The following KDM5B variants were observed in gnomAD, a reference collection of about 807,000 sequenced individuals.
The protein encoded by KDM5B is lysine demethylase 5B.
In KDM5B, 144 loss-of-function variants were observed where a neutral mutation model predicts 193.4. That is an observed-to-expected ratio of 0.74 (90% CI 0.65 to 0.86). The LOEUF (loss-of-function observed/expected upper bound fraction) is 0.86, where lower values mean the gene tolerates loss of function less well. Among genes scored for constraint, KDM5B ranks in the 40% least tolerant of loss-of-function variants. KDM5B has a pLI of 0.00. For synonymous variants in KDM5B, 668 were observed against 682.6 expected, an observed-to-expected ratio of 0.98 and a Z score of 0.33; for missense variants, 1,833 against 1,886.9, an observed-to-expected ratio of 0.97 and a Z score of 0.53.
intron 9 of KDM5B, among the ~76,000 whole-genome samples, chr1:202,757,627 C>A (rs961768803): frequency 6.6e-6 from 1 of 152,068 alleles, no homozygotes; most frequent in African/African-American, 2.4e-5. Flanking sequence ...AATTTAAGTC[C>A]ATTAAATAAG....
rs1654959385 is a variant in KDM5B at position 202,733,270 on chromosome 1, C to CTT, written c.3909+130_3909+131insAA. ...TGCATGGTCTTGAAGTGGGAAGCTACAGGTAAAGTGGGTGCTGTTAACAGT... is the reference window on the plus strand; with the variant it reads ...TGCATGGTCTTGAAGTGGGAAGCTACTTAGGTAAAGTGGGTGCTGTTAACAGT... On this transcript the variant is annotated intron_variant, in intron 23 of 26. Coordinates refer to ENST00000367265, the MANE Select transcript of KDM5B (RefSeq NM_006618.5). The CTT allele has an allele frequency of 4.3e-6, 4 of 925,942 alleles. No individual in the cohort carries two copies. In the South Asian group the frequency reaches 6.9e-5, roughly 16 times the overall value. The allele number at this position is 925,942 out of a possible 1,614,324, so 57.4% of individuals were successfully genotyped here.
chr1:202,743,598 G>C (rs1210109613), intron 16 of KDM5B, among the ~76,000 whole-genome samples: 5 of 152,098 alleles, frequency 3.3e-5, no homozygotes, highest in Non-Finnish European at 5.9e-5. Flanking sequence ...AGAAATGGAA[G>C]CAAGTGAAAA....
chr1:202,792,475 C>T (rs1391864782), intron 1 of KDM5B, among the ~76,000 whole-genome samples: 8 of 152,214 alleles, frequency 5.3e-5, no homozygotes, highest in African/African-American at 1.7e-4. Flanking sequence ...AAATACTCTT[C>T]CAATGTGAAG....
At chr1:202,801,551 C>T (rs745913557) in intron 1 of KDM5B, among the ~76,000 whole-genome samples, 3 of 152,150 alleles carry the variant, frequency 2.0e-5, no homozygotes, top group Non-Finnish European at 2.9e-5. Context: ...TCAAAGAATT[C>T]ATCTAATAAT....
Position 202,741,515 on chromosome 1 carries a change from G to A in KDM5B, c.2797C>T (p.Leu933Phe), listed in dbSNP as rs1389220864. The change falls in exon 19 of 27, where the codon CTT becomes TTT. Residue 933 changes from leucine to phenylalanine, a missense_variant. Physicochemically the swap from Leu to Phe is conservative, Grantham distance 22. Around this residue, in one of 3 missense-constraint regions of KDM5B, gnomAD observed 1,379 missense variants for 1,349.6 expected, o/e 1.02. Coordinates refer to ENST00000367265, the MANE Select transcript of KDM5B (RefSeq NM_006618.5). ...VQQACLDPSS[L>F]TLDDMRRLID... The stretch of plus-strand genomic sequence containing the variant: ...AGACGTCTCATATCATCTAAAGTAA[G>A]GGAGCTGGGGTCTAGGCAAGCTTGC... 6.2e-7 allele frequency: 1 copy of A among 1,614,112 alleles called. No individual in the cohort carries two copies. The highest frequency in any genetic ancestry group is 8.5e-7 in the Non-Finnish European group (1 of 1,180,046).
intron 18 of KDM5B, among the ~76,000 whole-genome samples, chr1:202,742,161 C>T (rs1238249702): frequency 6.6e-6 from 1 of 152,152 alleles, no homozygotes; most frequent in Non-Finnish European, 1.5e-5. Flanking sequence ...GTGTGAGCCA[C>T]CATGCCCAGC....
intron 12 of KDM5B, among the ~76,000 whole-genome samples, chr1:202,752,040 G>C (rs891506869): frequency 2.0e-5 from 3 of 152,132 alleles, no homozygotes; most frequent in Non-Finnish European, 4.4e-5. Context: ...ACTAGCCTAT[G>C]AACCCAAAAG....
chr1:202,770,015 A>AG (rs1656646947), intron 4 of KDM5B, among the ~76,000 whole-genome samples: 1 of 152,202 alleles, frequency 6.6e-6, no homozygotes, highest in Non-Finnish European at 1.5e-5. Context: ...ATCTCCTACT[A>AG]GTTAGTCTCA....
chr1:202,725,699 A>G lies in KDM5B; in HGVS notation c.*3337T>C, dbSNP rs1360106332. ...AAAGACTATTTTAATATAGGCTGAC[A>G]CTAGCATGGACTAGTATGTAGTTAG... On this transcript the variant is annotated 3_prime_UTR_variant, in exon 27 of 27. Coordinates refer to ENST00000367265, the MANE Select transcript of KDM5B (RefSeq NM_006618.5). 2 of 152,258 alleles carry G rather than the reference A, an allele frequency of 1.3e-5. No individual in the cohort carries two copies. The highest frequency in any genetic ancestry group is 4.8e-5 in the African/African-American group (2 of 41,468). The allele number at this position is 152,258 out of a possible 1,614,324, so 9.4% of individuals were successfully genotyped here. A position where few individuals can be genotyped will look rare whatever the true frequency, so the allele number is the denominator to read the frequency against.
intron 20 of KDM5B, among the ~76,000 whole-genome samples, chr1:202,740,361 G>A (rs1655274307): frequency 7.6e-6 from 1 of 131,570 alleles, no homozygotes; most frequent in African/African-American, 2.6e-5. Context: ...GCGGGGGGCT[G>A]ACCCCCCCAC....
intron 17 of KDM5B, 45 bp from the exon 18 acceptor site, chr1:202,742,550 T>A: frequency 6.3e-7 from 1 of 1,598,288 alleles, no homozygotes; most frequent in South Asian, 1.1e-5. Context: ...AATACATACA[T>A]GTCCACCACA....
chr1:202,741,071 T>C (rs542438081), intron 19 of KDM5B, among the ~76,000 whole-genome samples: 52 of 152,204 alleles, frequency 3.4e-4, no homozygotes, highest in Non-Finnish European at 6.9e-4. Context: ...TTGTAAATAT[T>C]TTCCTCTCTC....
intron 3 of KDM5B, 145 bp from the exon 4 acceptor site, chr1:202,773,433 A>G: frequency 1.6e-6 from 1 of 615,348 alleles, no homozygotes; most frequent in East Asian, 2.8e-5. Context: ...ACACACACAC[A>G]TATATATACA....
intron 1 of KDM5B, among the ~76,000 whole-genome samples, chr1:202,784,141 C>T (rs1489048005): frequency 1.3e-5 from 2 of 152,190 alleles, no homozygotes; most frequent in African/African-American, 4.8e-5. Flanking sequence ...CAGGAAAATT[C>T]ACTCTGTAGA....
chr1:202,781,364 C>T (rs1657190428), intron 1 of KDM5B, among the ~76,000 whole-genome samples: 1 of 152,078 alleles, frequency 6.6e-6, no homozygotes, highest in Admixed American at 6.6e-5. Context: ...AATAAAAATG[C>T]CCGCCGGTGA....
At chr1:202,754,611 T>C (rs894976242) in intron 11 of KDM5B, among the ~76,000 whole-genome samples, 3 of 152,236 alleles carry the variant, frequency 2.0e-5, no homozygotes, top group Non-Finnish European at 4.4e-5. Flanking sequence ...GTATCCAGGC[T>C]AGCACTGCCA....
intron 7 of KDM5B, among the ~76,000 whole-genome samples, chr1:202,760,791 C>T (rs1656215708): frequency 6.6e-6 from 1 of 152,152 alleles, no homozygotes; most frequent in Non-Finnish European, 1.5e-5. Context: ...GTGGAATCTC[C>T]TAGCTTTCTC....
intron 1 of KDM5B, among the ~76,000 whole-genome samples, chr1:202,795,302 T>C (rs1373570618): frequency 6.6e-6 from 1 of 152,112 alleles, no homozygotes. Flanking sequence ...TCCTCACCTA[T>C]TTTTGGACAG....
chr1:202,806,413 A>C (rs943378462), intron 1 of KDM5B: 18 of 152,250 alleles, frequency 1.2e-4, no homozygotes, highest in African/African-American at 4.1e-4. Context: ...CCTATTATTC[A>C]AGAATTAAAA....
Sources: allele counts gnomAD v4.1 joint callset (sites outside exome capture counted in the v4.1 genomes callset), GRCh38; gene constraint gnomAD v4.1.1; regional missense constraint gnomAD v4.1.1; transcripts MANE v1.5; gene names NCBI Gene and HGNC (gene_info 2026-07-23, HGNC 2026-07-21).